COMMD10: variants seen among roughly 807,000 people sequenced by gnomAD.
COMMD10 encodes COMM domain containing 10.
In COMMD10, 33 loss-of-function variants were observed where a neutral mutation model predicts 28.9. That is an observed-to-expected ratio of 1.14 (90% confidence interval 0.87 to 1.53). COMMD10 has a LOEUF of 1.53. COMMD10 is among the 40% of genes most tolerant of loss of function. The pLI is 0.00. For missense variants in COMMD10, 310 were observed against 233.4 expected (o/e 1.33, Z -2.14); for synonymous variants, 110 against 81.7 (o/e 1.35, Z -1.87).
chr5:116,134,587 C>T (rs1461222040), intron 5 of COMMD10, among the ~76,000 whole-genome samples: 1 of 152,010 alleles, frequency 6.6e-6, no homozygotes, highest in South Asian at 2.1e-4. Context: ...GTATAGTATG[C>T]CTGCATGTGT....
rs563043261 is a variant in COMMD10, at chr5:116,162,697, A to G, written c.510+28519A>G. Among the ~76,000 whole-genome samples, 178 of 152,320 alleles carry G rather than the reference A, an allele frequency of 1.2e-3. 1 individual carries two copies. The highest frequency in any genetic ancestry group is 4.0e-3 in the African/African-American group (166 of 41,582). On this transcript the variant is annotated intron_variant, in intron 5 of 6. Coordinates refer to ENST00000274458, the MANE Select transcript of COMMD10 (RefSeq NM_016144.4). ...TAGCAACAAAGGTGTGTACTTTTCT[A>G]TCCAGAGGGACAGTTTGTATACTGT... is the stretch of plus-strand genomic sequence containing the variant.
rs114789156 is a variant in COMMD10 at position 116,111,132 on chromosome 5, T to C, written c.399+18432T>C. Among the ~76,000 whole-genome samples the C allele has an allele frequency of 3.2e-3, 481 of 152,320 alleles. 4 individuals are homozygous for C. The highest frequency in any genetic ancestry group is 0.011 in the African/African-American group (459 of 41,564). ...CTCATATCATTTGTAACGTCTCCAT[T>C]TTGATTTCTTATTATATTTGGATCT... On this transcript the variant is annotated intron_variant, in intron 4 of 6. Coordinates refer to ENST00000274458, the MANE Select transcript of COMMD10 (RefSeq NM_016144.4).
intron 5 of COMMD10, among the ~76,000 whole-genome samples, chr5:116,243,279 C>T (rs1393395516): frequency 6.6e-6 from 1 of 152,130 alleles, no homozygotes; most frequent in Non-Finnish European, 1.5e-5. Flanking sequence ...ATCAGACTGA[C>T]TCAATTTGCA....
chr5:116,230,535 A>C (rs1290336589), intron 5 of COMMD10, among the ~76,000 whole-genome samples: 1 of 152,118 alleles, frequency 6.6e-6, no homozygotes, highest in African/African-American at 2.4e-5. Context: ...TTTATGTTCT[A>C]CATCACGATG....
intron 5 of COMMD10, among the ~76,000 whole-genome samples, chr5:116,165,605 TGG>T (rs1414133368): frequency 6.6e-6 from 1 of 151,738 alleles, no homozygotes; most frequent in Non-Finnish European, 1.5e-5. Flanking sequence ...TGTGTGTGTG[TGG>T]GTGTATCTGT....
intron 3 of COMMD10, among the ~76,000 whole-genome samples, chr5:116,092,197 C>T (rs1323321685): frequency 6.6e-6 from 1 of 152,122 alleles, no homozygotes; most frequent in Non-Finnish European, 1.5e-5. Context: ...CTATTGTATA[C>T]TTATTTGAAA....
chr5:116,281,163 A>G (rs1056569425), intron 5 of COMMD10, among the ~76,000 whole-genome samples: 10 of 151,884 alleles, frequency 6.6e-5, no homozygotes, highest in South Asian at 2.1e-4. Flanking sequence ...TTTAGAGGAT[A>G]TTTCTGCTTG....
chr5:116,145,870 G>T (rs1752334498), intron 5 of COMMD10, among the ~76,000 whole-genome samples: 1 of 151,906 alleles, frequency 6.6e-6, no homozygotes, highest in Non-Finnish European at 1.5e-5. Flanking sequence ...TGCCATGATT[G>T]TAAGTTTCTT....
At chr5:116,221,611 G>A (rs1324862257) in intron 5 of COMMD10, among the ~76,000 whole-genome samples, 3 of 152,142 alleles carry the variant, frequency 2.0e-5, no homozygotes, top group African/African-American at 7.2e-5. Flanking sequence ...CTTAGGTTTA[G>A]GTCTTAGTAG....
chr5:116,205,753 T>C (rs1748795246), intron 5 of COMMD10, among the ~76,000 whole-genome samples: 1 of 152,172 alleles, frequency 6.6e-6, no homozygotes, highest in African/African-American at 2.4e-5. Context: ...AGAAATAAGT[T>C]GTTATAACAG....
At chr5:116,127,095 C>T (rs1751680234) in intron 4 of COMMD10, among the ~76,000 whole-genome samples, 1 of 152,106 alleles carries the variant, frequency 6.6e-6, no homozygotes, top group South Asian at 2.1e-4. Flanking sequence ...ATCAAACAAC[C>T]CCATCAAAAA....
At chr5:116,255,892 C>G (rs559173248) in intron 5 of COMMD10, 2 of 151,320 alleles carry the variant, frequency 1.3e-5, no homozygotes, top group South Asian at 4.2e-4. Flanking sequence ...GAACATAATT[C>G]TTATTTTTAA....
At chr5:116,087,039 C>CT (rs1207943184) in intron 1 of COMMD10, among the ~76,000 whole-genome samples, 1 of 152,180 alleles carries the variant, frequency 6.6e-6, no homozygotes, top group Non-Finnish European at 1.5e-5. Flanking sequence ...TTTAAAATAA[C>CT]TGTGTGCTTA....
chr5:116,234,705 G>A (rs562928386), intron 5 of COMMD10, among the ~76,000 whole-genome samples: 3 of 152,168 alleles, frequency 2.0e-5, no homozygotes, highest in African/African-American at 7.2e-5. Context: ...GATCGAGTTA[G>A]GAACTTCCGA....
chr5:116,091,054 TA>T, intron 2 of COMMD10, 24 bp from the exon 3 acceptor site: 1 of 1,416,848 alleles, frequency 7.1e-7, no homozygotes, highest in South Asian at 1.2e-5. Context: ...TGTGCTAATA[TA>T]ATAGATTGCT....
chr5:116,266,459 A>G (rs1042177396), intron 5 of COMMD10, among the ~76,000 whole-genome samples: 3 of 151,804 alleles, frequency 2.0e-5, no homozygotes, highest in Non-Finnish European at 4.4e-5. Flanking sequence ...AAAATATTTT[A>G]TGGATATTGT....
chr5:116,246,125 C>T (rs779877897), intron 5 of COMMD10, among the ~76,000 whole-genome samples: 17 of 152,148 alleles, frequency 1.1e-4, no homozygotes, highest in Non-Finnish European at 7.4e-5. Context: ...TGATAAACAA[C>T]TTCAGCAGAG....
At chr5:116,163,564 G>A (rs1465281665) in intron 5 of COMMD10, among the ~76,000 whole-genome samples, 3 of 151,792 alleles carry the variant, frequency 2.0e-5, no homozygotes, top group Non-Finnish European at 4.4e-5. Context: ...GCTCCAGCCT[G>A]GGCAACAATA....
intron 4 of COMMD10, among the ~76,000 whole-genome samples, chr5:116,106,088 G>A (rs1750829485): frequency 6.8e-6 from 1 of 147,770 alleles, no homozygotes; most frequent in African/African-American, 2.5e-5. Flanking sequence ...TTTTTGTTGA[G>A]TTTTGTTTTA....
Sources: allele counts gnomAD v4.1 joint callset (sites outside exome capture counted in the v4.1 genomes callset), GRCh38; gene constraint gnomAD v4.1.1; transcripts MANE v1.5; gene names NCBI Gene and HGNC (gene_info 2026-07-23, HGNC 2026-07-21).